Variants in ELFN1 observed in about 807,000 individuals in gnomAD.
ELFN1 encodes protein ELFN1.
Under a neutral mutation model 7.6 loss-of-function variants are expected in ELFN1, and 6 were observed. The ratio of observed to expected loss-of-function variants is 0.79; its 90% CI spans 0.43 to 1.56. The LOEUF is 1.56. ELFN1 is among the 40% of genes most tolerant of loss of function. The probability of loss-of-function intolerance (pLI) is 0.01; values close to 1 mark genes in which losing one functional copy is unlikely to be tolerated. For missense variants in ELFN1, 1,169 were observed against 1,232.2 expected (o/e 0.95, Z 0.77); for synonymous variants, 657 against 588.1 (o/e 1.12, Z -1.70).
Position 1,746,443 on chromosome 7 carries a change from A to G in ELFN1, c.1847A>G (p.Tyr616Cys). The G allele has an allele frequency of 6.5e-7, 1 of 1,530,092 alleles. No individual in the cohort carries two copies. Among genetic ancestry groups the G allele is most frequent in the African/African-American group, 1.4e-5 (1 of 72,808 alleles). The allele number at this position is 1,530,092 out of a possible 1,614,324, so 94.8% of individuals were successfully genotyped here. Residue 616 changes from tyrosine (Y) to cysteine (C), a missense_variant, in exon 4 of 4, where the codon TAC (tyrosine) becomes TGC (cysteine). By Grantham distance (194) the Tyr-to-Cys change is radical. Coordinates refer to ENST00000424383, the MANE Select transcript of ELFN1 (RefSeq NM_001128636.4). ...AAGCACGGCTTCCTGGCGCCCGGGT[A>G]CAAGGACGCCTTCGGCCACAGCCTG... ...AAKHGFLAPG[Y>C]KDAFGHSLQR...
rs940265637 is a variant in ELFN1, at chr7:1,745,475, G to C, written c.879G>C (p.Glu293Asp). The change falls in exon 4 of 4, where the codon GAG becomes GAC. Residue 293 changes from glutamate to aspartate, a missense_variant. By Grantham distance (45) the Glu-to-Asp change is conservative. Transcript: ENST00000424383. Reference sequence around the variant, plus strand: ...GTGACATGCCCTGTGCCGATGATGAGTGCTTCTCCGGGGACGGCACCACGC... The same window carrying C: ...GTGACATGCCCTGTGCCGATGATGACTGCTTCTCCGGGGACGGCACCACGC... The part of the protein sequence containing the change: ...EPSDMPCADD[E>D]CFSGDGTTPL... 2 of 1,542,328 alleles carry C rather than the reference G, an allele frequency of 1.3e-6. No homozygotes were observed. Among genetic ancestry groups the C allele is most frequent in the Non-Finnish European group, 1.7e-6 (2 of 1,146,720 alleles).
At chr7:1,743,725 T>C (rs1403292517) in intron 3 of ELFN1, among the ~76,000 whole-genome samples, 1 of 152,166 alleles carries the variant, frequency 6.6e-6, no homozygotes, top group East Asian at 1.9e-4. Context: ...CTGCGGACCC[T>C]GCGGTGAGTG....
intron 1 of ELFN1, among the ~76,000 whole-genome samples, chr7:1,672,130 C>T (rs1361429585): frequency 6.6e-6 from 1 of 152,212 alleles, no homozygotes; most frequent in Non-Finnish European, 1.5e-5. Flanking sequence ...CAGCTCCCGA[C>T]TCCCAGAAAA....
At chr7:1,718,103 C>T (rs886910756) in intron 3 of ELFN1, among the ~76,000 whole-genome samples, 17 of 152,206 alleles carry the variant, frequency 1.1e-4, no homozygotes, top group Admixed American at 2.0e-4. Flanking sequence ...TGGCTGCTCC[C>T]GCTCCCACCA....
At chr7:1,707,844 C>G (rs1429384003) in intron 2 of ELFN1, among the ~76,000 whole-genome samples, 2 of 152,232 alleles carry the variant, frequency 1.3e-5, no homozygotes, top group African/African-American at 2.4e-5. Context: ...CACACTTCCT[C>G]CAGCTACAGG....
chr7:1,696,701 C>T (rs1779321344), intron 2 of ELFN1, among the ~76,000 whole-genome samples: 1 of 152,184 alleles, frequency 6.6e-6, no homozygotes, highest in Admixed American at 6.5e-5. Context: ...GGTGCCCAGC[C>T]TGGCATCCTT....
intron 2 of ELFN1, among the ~76,000 whole-genome samples, chr7:1,701,156 ATG>A (rs997157083): frequency 6.6e-6 from 1 of 150,904 alleles, no homozygotes; most frequent in African/African-American, 2.4e-5. Context: ...TGGTGCACGC[ATG>A]TGTGTGTATG....
upstream of ELFN1, among the ~76,000 whole-genome samples, chr7:1,668,857 C>T (rs1232448964): frequency 6.6e-6 from 1 of 152,372 alleles, no homozygotes; most frequent in East Asian, 1.9e-4. Context: ...CTGCCGGCCC[C>T]TGGGGCTGTG....
chr7:1,701,652 A>C (rs922118189), intron 2 of ELFN1, among the ~76,000 whole-genome samples: 2 of 151,952 alleles, frequency 1.3e-5, no homozygotes, highest in Admixed American at 1.3e-4. Flanking sequence ...TCTAAAAAAA[A>C]TTAATGGAGC....
chr7:1,727,205 G>A (rs967962828), intron 3 of ELFN1, among the ~76,000 whole-genome samples: 112 of 152,330 alleles, frequency 7.4e-4, no homozygotes, highest in African/African-American at 2.6e-3. Flanking sequence ...ATGAGCACAC[G>A]AGGGGGGTGG....
intron 3 of ELFN1, among the ~76,000 whole-genome samples, chr7:1,723,964 A>G (rs1275740060): frequency 1.3e-5 from 2 of 152,148 alleles, no homozygotes; most frequent in African/African-American, 4.8e-5. Context: ...ACCCGGAAAC[A>G]TGCCCACGCT....
intron 3 of ELFN1, among the ~76,000 whole-genome samples, chr7:1,718,715 G>C (rs993871505): frequency 6.6e-6 from 1 of 152,050 alleles, no homozygotes; most frequent in African/African-American, 2.4e-5. Context: ...TGAGGTCCTC[G>C]GTCACACTCA....
At chr7:1,687,903 AT>A (rs957489282) in intron 1 of ELFN1, among the ~76,000 whole-genome samples, 154 bp from the exon 2 acceptor site, 8 of 150,726 alleles carry the variant, frequency 5.3e-5, no homozygotes, top group Non-Finnish European at 8.9e-5. Flanking sequence ...TTATTTGTTT[AT>A]TTTTTTTATA....
In ELFN1 at chr7:1,735,558, C is replaced by T. The variant is rs895365194; in HGVS notation, c.-293-8746C>T. On this transcript the variant is annotated intron_variant, in intron 3 of 3. Coordinates refer to ENST00000424383, the MANE Select transcript of ELFN1 (RefSeq NM_001128636.4). The surrounding 1 kb of genome is among the most constrained non-coding windows in gnomAD (Gnocchi z 5.9). ...CAGCCCTGGCCTTGCCTGCAACCCC[C>T]GCCAGCCTCCCCTGGACAATAGGAT... is the stretch of plus-strand genomic sequence containing the variant. Among the ~76,000 whole-genome samples the T allele has an allele frequency of 6.6e-6, 1 of 152,004 alleles. No homozygotes were observed.
chr7:1,684,336 C>T (rs758709803), intron 1 of ELFN1, among the ~76,000 whole-genome samples: 7 of 152,152 alleles, frequency 4.6e-5, no homozygotes, highest in Non-Finnish European at 8.8e-5. Flanking sequence ...TGTTTCCACA[C>T]TTTGAATATG....
At chr7:1,686,879 T>G (rs1161104500) in intron 1 of ELFN1, among the ~76,000 whole-genome samples, 1 of 152,162 alleles carries the variant, frequency 6.6e-6, no homozygotes, top group Middle Eastern at 3.2e-3. Flanking sequence ...CTCTGTCAGA[T>G]TCCCAGCTAG....
In ELFN1 at chr7:1,746,081, G is replaced by A. The variant is rs112880873; in HGVS notation, c.1485G>A (p.Thr495=). Residue 495 remains threonine, a synonymous_variant, in exon 4 of 4, where the codon ACG becomes ACA. Coordinates refer to ENST00000424383, the MANE Select transcript of ELFN1 (RefSeq NM_001128636.4). ...QGPLLGPEAV[T]RIPYLPAAGE... is the part of the protein sequence containing the mutation. Reference sequence around the variant, plus strand: ...CGCTGCTGGGCCCCGAGGCCGTGACGCGCATCCCTTACCTGCCTGCGGCCG... The same window carrying A: ...CGCTGCTGGGCCCCGAGGCCGTGACACGCATCCCTTACCTGCCTGCGGCCG... 3.0e-5 allele frequency: 46 copies of A among 1,547,226 alleles called. 1 individual carries two copies. Among genetic ancestry groups the A allele is most frequent in the African/African-American group, 1.9e-4 (14 of 73,070 alleles).
intron 1 of ELFN1, among the ~76,000 whole-genome samples, chr7:1,671,086 C>T (rs1778756726): frequency 6.6e-6 from 1 of 151,990 alleles, no homozygotes; most frequent in African/African-American, 2.4e-5. Context: ...GACAAGCGCC[C>T]CCATTTCCAT....
At position 1,745,389 on chromosome 7, in the gene ELFN1, C is replaced by T. The variant is rs2128606159; in HGVS notation, c.793C>T (p.Pro265Ser). Residue 265 changes from proline to serine, a missense_variant, in exon 4 of 4, where the codon CCA becomes TCA. This residue lies in a region of ELFN1 where 914 missense variants were observed against 872.6 expected (regional missense o/e 1.05). Transcript: ENST00000424383. ...GGCTGAGGTGGTCGGGCCCCCACGT[C>T]CAGCATCCGGGCGCTCACAGCCGGG... Reference protein sequence around the residue: ...YAAEVVGPPRPASGRSQPGRS... With the variant: ...YAAEVVGPPRSASGRSQPGRS... 5.8e-6 allele frequency: 9 copies of T among 1,538,948 alleles called. No homozygotes were observed. Among genetic ancestry groups the T allele is most frequent in the Non-Finnish European group, 7.9e-6 (9 of 1,145,796 alleles).
Sources: allele counts gnomAD v4.1 joint callset (sites outside exome capture counted in the v4.1 genomes callset), GRCh38; gene constraint gnomAD v4.1.1; regional missense constraint gnomAD v4.1.1; non-coding constraint Gnocchi (gnomAD v3.1); transcripts MANE v1.5; gene names NCBI Gene and HGNC (gene_info 2026-07-23, HGNC 2026-07-21).